Variants in MAGI1 observed in about 807,000 individuals in gnomAD.
MAGI1 encodes membrane associated guanylate kinase, WW and PDZ domain containing 1, also known as membrane-associated guanylate kinase, WW and PDZ domain-containing protein 1.
MAGI1 carries 58 observed loss-of-function variants against 139.9 expected under a neutral mutation model. The observed-to-expected ratio is 0.41, with a 90% CI of 0.34 to 0.52. MAGI1 has a LOEUF of 0.52. MAGI1 is among the 20% of genes least tolerant of loss of function. The pLI is 0.12. For synonymous variants in MAGI1, 812 were observed against 737.9 expected (o/e 1.10, Z -1.63); for missense variants, 1,874 against 1,901.6 (o/e 0.99, Z 0.27).
chr3:65,597,931 G>A (rs781593416), intron 2 of MAGI1: 8 of 451,572 alleles, frequency 1.8e-5, no homozygotes, highest in African/African-American at 1.4e-4. Context: ...GGGGTGGGGG[G>A]GGGGTGGGAC....
intron 2 of MAGI1, among the ~76,000 whole-genome samples, chr3:65,509,656 C>T (rs2077477191): frequency 6.6e-6 from 1 of 152,188 alleles, no homozygotes; most frequent in South Asian, 2.1e-4. Context: ...GGGTCCTACG[C>T]CCACGGAATC....
chr3:65,517,736 C>T (rs2077972344), intron 2 of MAGI1, among the ~76,000 whole-genome samples: 1 of 152,092 alleles, frequency 6.6e-6, no homozygotes, highest in African/African-American at 2.4e-5. Context: ...ACAGGGATCC[C>T]TCCTCTGAGC....
intron 1 of MAGI1, among the ~76,000 whole-genome samples, chr3:65,868,448 T>C (rs957509): frequency 0.39 from 59,706 of 151,976 alleles, 12,128 homozygotes; most frequent in South Asian, 0.48. Context: ...TGTTTGACTC[T>C]GAACAGAGGG....
intron 2 of MAGI1, among the ~76,000 whole-genome samples, chr3:65,589,718 A>G (rs1256137621): frequency 6.6e-6 from 1 of 152,100 alleles, no homozygotes; most frequent in Non-Finnish European, 1.5e-5. Context: ...AAAAAAATAC[A>G]ATAACCAGAT....
At chr3:65,817,945 G>C (rs1369147907) in intron 1 of MAGI1, among the ~76,000 whole-genome samples, 1 of 152,146 alleles carries the variant, frequency 6.6e-6, no homozygotes, top group Non-Finnish European at 1.5e-5. Flanking sequence ...TCCAAAGCAA[G>C]AGACCATGGT....
chr3:65,900,973 G>C (rs947598232), intron 1 of MAGI1, among the ~76,000 whole-genome samples: 1 of 152,174 alleles, frequency 6.6e-6, no homozygotes, highest in South Asian at 2.1e-4. Context: ...AAGTAAGAGC[G>C]CATTCAGCAG....
intron 1 of MAGI1, among the ~76,000 whole-genome samples, chr3:65,798,792 T>TTTTAAA (rs2108115908): frequency 6.6e-6 from 1 of 152,202 alleles, no homozygotes; most frequent in South Asian, 2.1e-4. Flanking sequence ...AATAAACAAT[T>TTTTAAA]CATAAGTTTT....
At chr3:65,906,614 G>C (rs1452086385) in intron 1 of MAGI1, among the ~76,000 whole-genome samples, 1 of 152,102 alleles carries the variant, frequency 6.6e-6, no homozygotes, top group African/African-American at 2.4e-5. Context: ...AGCTGGGTGT[G>C]GTGGCTCATG....
chr3:65,355,368 T>C lies in MAGI1; in HGVS notation c.*1010A>G, dbSNP rs1413874171. 2 of 152,070 alleles carry C rather than the reference T, an allele frequency of 1.3e-5. No homozygotes were observed. Among genetic ancestry groups the C allele is most frequent in the African/African-American group, 4.8e-5 (2 of 41,388 alleles). 9.4% of individuals were successfully genotyped at this position (152,070 alleles called of 1,614,324 possible). On this transcript the variant is annotated 3_prime_UTR_variant, in exon 23 of 23. Transcript: ENST00000402939. Reference sequence around the variant, plus strand: ...ACTTCTTTAAATATCAACAGAGAGGTTCCTTCCACCAAGGCTCATTGCCTC... The same window carrying C: ...ACTTCTTTAAATATCAACAGAGAGGCTCCTTCCACCAAGGCTCATTGCCTC...
chr3:65,712,573 C>T (rs573318853), intron 1 of MAGI1, among the ~76,000 whole-genome samples: 14 of 152,052 alleles, frequency 9.2e-5, no homozygotes, highest in African/African-American at 3.4e-4. Context: ...AGTGCAGCAG[C>T]GTGATCTCAG....
At chr3:65,823,876 T>C (rs893962359) in intron 1 of MAGI1, among the ~76,000 whole-genome samples, 1 of 152,194 alleles carries the variant, frequency 6.6e-6, no homozygotes, top group Non-Finnish European at 1.5e-5. Context: ...AGTTTCACCA[T>C]ATGAGAGGTC....
chr3:65,938,939 A>G (rs1193603328), intron 1 of MAGI1, among the ~76,000 whole-genome samples: 1 of 152,184 alleles, frequency 6.6e-6, no homozygotes. Flanking sequence ...GGTAAACAGC[A>G]GGAACTCTCT....
At chr3:65,656,730 G>A (rs547858248) in intron 1 of MAGI1, among the ~76,000 whole-genome samples, 2 of 152,142 alleles carry the variant, frequency 1.3e-5, no homozygotes, top group Admixed American at 6.5e-5. Flanking sequence ...CAGACCTAGC[G>A]GCTCATGCCT....
At chr3:65,529,723 C>T (rs926407529) in intron 2 of MAGI1, among the ~76,000 whole-genome samples, 2 of 152,054 alleles carry the variant, frequency 1.3e-5, no homozygotes, top group African/African-American at 4.8e-5. Flanking sequence ...TGAGTACATA[C>T]CTAGGAGTGA....
chr3:65,645,996 A>G (rs1180269599), intron 1 of MAGI1, among the ~76,000 whole-genome samples: 1 of 152,066 alleles, frequency 6.6e-6, no homozygotes, highest in African/African-American at 2.4e-5. Flanking sequence ...TAAAAGAATA[A>G]GACAGAATAA....
At chr3:65,392,491 C>T (rs1275381438) in intron 13 of MAGI1, among the ~76,000 whole-genome samples, 2 of 152,090 alleles carry the variant, frequency 1.3e-5, no homozygotes, top group Admixed American at 6.5e-5. Flanking sequence ...TCCTGTAGAG[C>T]TCGTGGTTTT....
chr3:65,520,486 A>G (rs1212890346), intron 2 of MAGI1, among the ~76,000 whole-genome samples: 1 of 151,972 alleles, frequency 6.6e-6, no homozygotes, highest in African/African-American at 2.4e-5. Flanking sequence ...TGGGAAGAGT[A>G]ATGGGGCCTA....
At chr3:65,649,382 T>C (rs2085457301) in intron 1 of MAGI1, among the ~76,000 whole-genome samples, 1 of 152,036 alleles carries the variant, frequency 6.6e-6, no homozygotes, top group Non-Finnish European at 1.5e-5. Flanking sequence ...TCTCTAAAAA[T>C]TAAGCAAATA....
At chr3:65,709,087 A>G (rs866320279) in intron 1 of MAGI1, among the ~76,000 whole-genome samples, 2 of 152,234 alleles carry the variant, frequency 1.3e-5, no homozygotes, top group African/African-American at 4.8e-5. Context: ...AATTATGCTT[A>G]AAGTTAGCCA....
Sources: allele counts gnomAD v4.1 joint callset (sites outside exome capture counted in the v4.1 genomes callset), GRCh38; gene constraint gnomAD v4.1.1; transcripts MANE v1.5; gene names NCBI Gene and HGNC (gene_info 2026-07-23, HGNC 2026-07-21).